Variants in PICALM observed in about 807,000 individuals in gnomAD.
The protein encoded by PICALM is phosphatidylinositol binding clathrin assembly protein.
A neutral mutation model predicts 80.5 loss-of-function variants in PICALM; 40 were observed. The observed-to-expected ratio is 0.50, with a 90% CI of 0.39 to 0.65. The LOEUF is 0.65. PICALM is among the 30% of genes least tolerant of loss of function. PICALM has a pLI of 0.00. For missense variants in PICALM, 676 were observed against 778.9 expected, an observed-to-expected ratio of 0.87 and a Z score of 1.57; for synonymous variants, 288 against 260.3, an observed-to-expected ratio of 1.11 and a Z score of -1.02.
intron 2 of PICALM, among the ~76,000 whole-genome samples, chr11:86,027,186 T>C (rs2095661672): frequency 6.6e-6 from 1 of 152,200 alleles, no homozygotes; most frequent in Admixed American, 6.5e-5. Flanking sequence ...AACAAAGTTG[T>C]ATTGACATAT....
At chr11:85,987,396 T>C (rs1305845430) in intron 13 of PICALM, among the ~76,000 whole-genome samples, 1 of 152,112 alleles carries the variant, frequency 6.6e-6, no homozygotes, top group East Asian at 1.9e-4. Flanking sequence ...ATATAGTAAG[T>C]AGAAAAAGAA....
At chr11:86,019,647 T>A (rs2095534483) in intron 4 of PICALM, among the ~76,000 whole-genome samples, 1 of 152,208 alleles carries the variant, frequency 6.6e-6, no homozygotes, top group South Asian at 2.1e-4. Flanking sequence ...CACCATAATC[T>A]TCTACAAAGT....
intron 19 of PICALM, among the ~76,000 whole-genome samples, chr11:85,971,391 T>C (rs1486321836): frequency 6.6e-6 from 1 of 152,126 alleles, no homozygotes; most frequent in Non-Finnish European, 1.5e-5. Flanking sequence ...GGTGTTTCTG[T>C]GAAACGGTTA....
At position 85,958,898 on chromosome 11, in the gene PICALM, T is replaced by A; in HGVS notation, c.*148A>T. ...TATAAACTAGTCCCAATTTCCTTCATGGGCCTTCACTGAGTTACTTGTAGC... is the reference window on the plus strand; with the variant it reads ...TATAAACTAGTCCCAATTTCCTTCAAGGGCCTTCACTGAGTTACTTGTAGC... On this transcript the variant is annotated 3_prime_UTR_variant, in exon 20 of 20. Coordinates refer to ENST00000393346, the MANE Select transcript of PICALM (RefSeq NM_007166.4). The A allele has an allele frequency of 1.8e-6, 1 of 568,048 alleles. No individual in the cohort carries two copies. The highest frequency in any genetic ancestry group is 3.2e-6 in the Non-Finnish European group (1 of 309,942). 35.2% of individuals were successfully genotyped at this position (568,048 alleles called of 1,614,324 possible).
At chr11:86,036,142 T>C (rs2095839889) in intron 1 of PICALM, among the ~76,000 whole-genome samples, 1 of 152,136 alleles carries the variant, frequency 6.6e-6, no homozygotes, top group Non-Finnish European at 1.5e-5. Flanking sequence ...ATATGAAGTA[T>C]CAGCAAAATT....
intron 1 of PICALM, among the ~76,000 whole-genome samples, chr11:86,036,241 T>C (rs1372498743): frequency 1.3e-5 from 2 of 152,146 alleles, no homozygotes; most frequent in African/African-American, 4.8e-5. Flanking sequence ...CACAGGCAAA[T>C]TTGCCTAGTC....
chr11:86,038,001 A>T (rs2095873238), intron 1 of PICALM, among the ~76,000 whole-genome samples: 1 of 152,168 alleles, frequency 6.6e-6, no homozygotes, highest in Non-Finnish European at 1.5e-5. Context: ...CTCCTCAAGG[A>T]TGTGAGGAAG....
chr11:86,008,938 AAAAAAAAAAAAGCC>A (rs991071256), intron 7 of PICALM, among the ~76,000 whole-genome samples: 1 of 87,164 alleles, frequency 1.1e-5, no homozygotes, highest in Non-Finnish European at 2.4e-5. Flanking sequence ...CAGAAAAAGG[AAAAAAAAAAAAGCC>A]AAAAAAAAAA....
In PICALM at chr11:86,007,527, T is replaced by C. The variant is rs760442309; in HGVS notation, c.807+15A>G. Reference sequence around the variant, plus strand: ...CACAACAGATAGTGGATTGGTATTTTAACAATAAACTTACCTGTGAAAGGT... The same window carrying C: ...CACAACAGATAGTGGATTGGTATTTCAACAATAAACTTACCTGTGAAAGGT... On this transcript the variant is annotated intron_variant, in intron 8 of 19. Coordinates refer to ENST00000393346, the MANE Select transcript of PICALM (RefSeq NM_007166.4). The C allele has an allele frequency of 2.1e-5, 31 of 1,454,798 alleles. No individual in the cohort carries two copies. In the African/African-American group the frequency reaches 3.5e-4, roughly 17 times the overall value. The allele number at this position is 1,454,798 out of a possible 1,614,324, so 90.1% of individuals were successfully genotyped here. A position where few individuals can be genotyped will look rare whatever the true frequency, so the allele number is the denominator to read the frequency against.
chr11:85,970,170 A>T (rs1025587128), intron 19 of PICALM, among the ~76,000 whole-genome samples: 2 of 152,226 alleles, frequency 1.3e-5, no homozygotes, highest in Non-Finnish European at 2.9e-5. Flanking sequence ...ATAATCTAGT[A>T]AAGAAAGCCC....
chr11:86,034,169 T>G (rs2095804103), intron 1 of PICALM, among the ~76,000 whole-genome samples: 1 of 152,196 alleles, frequency 6.6e-6, no homozygotes, highest in African/African-American at 2.4e-5. Context: ...ACTGAGATTA[T>G]GAATCCAGAA....
At chr11:86,038,928 G>C (rs1332360247) in intron 1 of PICALM, among the ~76,000 whole-genome samples, 2 of 151,958 alleles carry the variant, frequency 1.3e-5, no homozygotes, top group African/African-American at 4.8e-5. Flanking sequence ...TGGCCAACAT[G>C]GTGAAACCCC....
chr11:86,002,221 G>A (rs1048527068), intron 9 of PICALM, among the ~76,000 whole-genome samples: 1 of 151,970 alleles, frequency 6.6e-6, no homozygotes, highest in Non-Finnish European at 1.5e-5. Context: ...AATCTTACTA[G>A]AAAATTCAAA....
Position 86,045,519 on chromosome 11 carries a change from C to CAAAAAAAAAAAAAAAAA in PICALM, c.131-13925_131-13909dup, listed in dbSNP as rs71040207. 8.4e-5 allele frequency among the ~76,000 whole-genome samples: 4 copies of CAAAAAAAAAAAAAAAAA among 47,800 alleles called. 1 individual carries two copies. The highest frequency in any genetic ancestry group is 1.8e-4 in the Non-Finnish European group (4 of 22,406). 31.4% of individuals were successfully genotyped at this position (47,800 alleles called of 152,430 possible). On this transcript the variant is annotated intron_variant, in intron 1 of 19. Transcript: ENST00000393346. ...CATAGTGAGACCCTGTCTTGAAATT[C>CAAAAAAAAAAAAAAAAA]AAAAAAAAAAAAAAAAAAAAAAAAA...
At chr11:86,056,196 G>A (rs1411027530) in intron 1 of PICALM, among the ~76,000 whole-genome samples, 1 of 140,870 alleles carries the variant, frequency 7.1e-6, no homozygotes, top group African/African-American at 2.7e-5. Context: ...AAACTTTTGT[G>A]CATTAAAAGA....
intron 14 of PICALM, chr11:85,982,249 A>G (rs561756128): frequency 2.8e-5 from 12 of 429,332 alleles, no homozygotes; most frequent in Non-Finnish European, 5.2e-5. Context: ...CATTAGGGTT[A>G]AAGGGGATAA....
chr11:86,022,360 A>T lies in PICALM; in HGVS notation c.452+7T>A. On this transcript the variant is annotated splice_region_variant and intron_variant, in intron 4 of 19. Transcript: ENST00000393346. ...ATCAATTAGATGTCAAAAAAAGCTT[A>T]ACTCACCCTCTCTTCACTTTTGTGA... 1 of 1,480,900 alleles carries T rather than the reference A, an allele frequency of 6.8e-7. No homozygotes were observed. Among genetic ancestry groups the T allele is most frequent in the Non-Finnish European group, 9.3e-7 (1 of 1,080,300 alleles). 91.7% of individuals were successfully genotyped at this position (1,480,900 alleles called of 1,614,324 possible). A position where few individuals can be genotyped will look rare whatever the true frequency, so the allele number is the denominator to read the frequency against.
chr11:86,058,626 T>C (rs1183452122), intron 1 of PICALM, among the ~76,000 whole-genome samples: 1 of 152,244 alleles, frequency 6.6e-6, no homozygotes, highest in Non-Finnish European at 1.5e-5. Flanking sequence ...ATCCTATTTT[T>C]ACCACCATTG....
At chr11:85,998,954 T>C (rs749365713) in intron 11 of PICALM, among the ~76,000 whole-genome samples, 25 of 152,188 alleles carry the variant, frequency 1.6e-4, no homozygotes, top group African/African-American at 4.3e-4. Context: ...TTCTCCAAAA[T>C]AGAATGTTTT....
Sources: allele counts gnomAD v4.1 joint callset (sites outside exome capture counted in the v4.1 genomes callset), GRCh38; gene constraint gnomAD v4.1.1; transcripts MANE v1.5; gene names NCBI Gene and HGNC (gene_info 2026-07-23, HGNC 2026-07-21).